GABRA2: variants seen among roughly 807,000 people sequenced by gnomAD.
The protein encoded by GABRA2 is gamma-aminobutyric acid receptor subunit alpha-2.
In GABRA2, 16 loss-of-function variants were observed where a neutral mutation model predicts 48.7. That is an observed-to-expected ratio of 0.33 (90% CI 0.22 to 0.50). The LOEUF (loss-of-function observed/expected upper bound fraction) is 0.50, where lower values mean the gene tolerates loss of function less well. Among genes scored for constraint, GABRA2 ranks in the 20% least tolerant of loss-of-function variants. The probability of loss-of-function intolerance (pLI) is 0.98; values close to 1 mark genes in which losing one functional copy is unlikely to be tolerated. For missense variants in GABRA2, 275 were observed against 535.6 expected, an observed-to-expected ratio of 0.51 and a Z score of 4.80; for synonymous variants, 185 against 184.5, an observed-to-expected ratio of 1.00 and a Z score of -0.02.
intron 4 of GABRA2, among the ~76,000 whole-genome samples, chr4:46,316,839 C>G (rs1442079463): frequency 6.6e-6 from 1 of 151,948 alleles, no homozygotes; most frequent in Non-Finnish European, 1.5e-5. Flanking sequence ...TCACAGACCA[C>G]TGGGCTCAAC....
intron 8 of GABRA2, among the ~76,000 whole-genome samples, chr4:46,275,267 A>G (rs757579418): frequency 4.6e-5 from 7 of 152,132 alleles, no homozygotes; most frequent in Non-Finnish European, 1.0e-4. Context: ...GATGTTATAA[A>G]ATGGATTTAG....
intron 4 of GABRA2, among the ~76,000 whole-genome samples, chr4:46,313,467 T>C (rs1728021631): frequency 6.6e-6 from 1 of 152,012 alleles, no homozygotes; most frequent in Non-Finnish European, 1.5e-5. Context: ...GCAGATAAAC[T>C]CCCTCATGTT....
intron 3 of GABRA2, among the ~76,000 whole-genome samples, chr4:46,380,078 C>T (rs1277764096): frequency 1.3e-5 from 2 of 152,098 alleles, no homozygotes; most frequent in Non-Finnish European, 2.9e-5. Flanking sequence ...CTGGTACATC[C>T]CAGCTTAGGG....
At chr4:46,296,655 G>GAAAAAAAA (rs113049147) in intron 8 of GABRA2, among the ~76,000 whole-genome samples, 2 of 128,128 alleles carry the variant, frequency 1.6e-5, no homozygotes, top group Non-Finnish European at 1.6e-5. Context: ...TCTATCAGGG[G>GAAAAAAAA]GAAAAAAAAA....
In GABRA2 at chr4:46,245,402, A is replaced by G. The variant is rs1383240564; in HGVS notation, c.*4906T>C. ...GTTTCTATTCTATCTCATGAAGCAG[A>G]ATTGCAAGATCATTTTGAATTTAAT... On this transcript the variant is annotated 3_prime_UTR_variant, in exon 10 of 10. Transcript: ENST00000381620. Among the ~76,000 whole-genome samples, 2 of 151,364 alleles carry G rather than the reference A, an allele frequency of 1.3e-5. No individual in the cohort carries two copies. Among genetic ancestry groups the G allele is most frequent in the Admixed American group, 1.3e-4 (2 of 15,134 alleles).
chr4:46,371,788 C>T (rs1299274958), intron 3 of GABRA2, among the ~76,000 whole-genome samples: 1 of 152,132 alleles, frequency 6.6e-6, no homozygotes, highest in Non-Finnish European at 1.5e-5. Context: ...CCACCACCAC[C>T]ATTTAGAAAT....
intron 8 of GABRA2, among the ~76,000 whole-genome samples, chr4:46,266,880 T>A (rs1180362966): frequency 6.6e-6 from 1 of 151,310 alleles, no homozygotes; most frequent in African/African-American, 2.4e-5. Context: ...CACCACCACG[T>A]CCAGCTTATT....
chr4:46,369,678 C>A (rs1462703535), intron 3 of GABRA2, among the ~76,000 whole-genome samples: 1 of 151,976 alleles, frequency 6.6e-6, no homozygotes, highest in Non-Finnish European at 1.5e-5. Flanking sequence ...ACTGTTATAT[C>A]CTAAAAATAT....
intron 4 of GABRA2, among the ~76,000 whole-genome samples, chr4:46,324,462 G>A (rs1015250440): frequency 2.6e-5 from 4 of 151,882 alleles, no homozygotes; most frequent in Non-Finnish European, 4.4e-5. Flanking sequence ...CCCAAAGACA[G>A]CCTCAAAACT....
intron 8 of GABRA2, among the ~76,000 whole-genome samples, chr4:46,300,894 G>C (rs552236772): frequency 1.3e-5 from 2 of 151,844 alleles, no homozygotes; most frequent in South Asian, 4.2e-4. Context: ...AACTATTTTA[G>C]TAGCCTCTTA....
intron 4 of GABRA2, among the ~76,000 whole-genome samples, chr4:46,313,148 TAAATAAATAAAA>T (rs1249109878): frequency 4.2e-5 from 6 of 142,472 alleles, no homozygotes; most frequent in African/African-American, 1.6e-4. Context: ...AATAAATAAA[TAAATAAATAAAA>T]TTTTTAAAAA....
At chr4:46,266,448 C>G (rs1457582463) in intron 8 of GABRA2, among the ~76,000 whole-genome samples, 1 of 149,476 alleles carries the variant, frequency 6.7e-6, no homozygotes, top group Non-Finnish European at 1.5e-5. Context: ...AATATCTTCC[C>G]ATGGCCTCTG....
At chr4:46,303,151 CAAA>C (rs55754015) in intron 8 of GABRA2, 42 of 211,676 alleles carry the variant, frequency 2.0e-4, no homozygotes, top group South Asian at 4.3e-4. Flanking sequence ...ATTTTTTGAG[CAAA>C]AAAAAAAAAG....
At position 46,250,533 on chromosome 4, in the gene GABRA2, A is replaced by C. The variant is rs200515415; in HGVS notation, c.1131T>G (p.Asn377Lys). ...TGGAGAGAACTGGATCTTTTGAAAGATTCGGGGCATAATTGGCAACAGCCA... is the reference window on the plus strand; with the variant it reads ...TGGAGAGAACTGGATCTTTTGAAAGCTTCGGGGCATAATTGGCAACAGCCA... ...YAVAVANYAP[N>K]LSKDPVLSTI... Residue 377 changes from asparagine to lysine, a missense_variant, in exon 10 of 10, where the codon AAT becomes AAG. This residue lies in a region of GABRA2 where 99 missense variants were observed against 124.3 expected (regional missense o/e 0.80). Coordinates refer to ENST00000381620, the MANE Select transcript of GABRA2 (RefSeq NM_000807.4). 1 of 1,611,696 alleles carries C rather than the reference A, an allele frequency of 6.2e-7. No individual in the cohort carries two copies. The highest frequency in any genetic ancestry group is 1.1e-5 in the South Asian group (1 of 91,030).
At chr4:46,362,174 G>T (rs1411743199) in intron 3 of GABRA2, among the ~76,000 whole-genome samples, 1 of 152,126 alleles carries the variant, frequency 6.6e-6, no homozygotes, top group Non-Finnish European at 1.5e-5. Context: ...GAATGACATG[G>T]TTTGGCTGTA....
intron 3 of GABRA2, among the ~76,000 whole-genome samples, chr4:46,339,938 T>G (rs1385176315): frequency 1.3e-5 from 2 of 151,842 alleles, no homozygotes; most frequent in Non-Finnish European, 2.9e-5. Context: ...GTTTTTAAAC[T>G]TATCATGTCT....
Position 46,248,400 on chromosome 4 carries a change from A to G in GABRA2, c.*1908T>C, listed in dbSNP as rs1355079909. On this transcript the variant is annotated 3_prime_UTR_variant, in exon 10 of 10. Transcript: ENST00000381620. Reference sequence around the variant, plus strand: ...TGAATAAAGTGCACATTTTAAAACTAGGTGACAAAGAAAGTGTTACTGGAA... The same window carrying G: ...TGAATAAAGTGCACATTTTAAAACTGGGTGACAAAGAAAGTGTTACTGGAA... The G allele has an allele frequency of 1.3e-5, 2 of 151,566 alleles. No homozygotes were observed. The highest frequency in any genetic ancestry group is 3.4e-3 in the Middle Eastern group (1 of 294). 9.4% of individuals were successfully genotyped at this position (151,566 alleles called of 1,614,324 possible).
chr4:46,277,080 G>A (rs979250754), intron 8 of GABRA2, among the ~76,000 whole-genome samples: 11 of 151,824 alleles, frequency 7.2e-5, no homozygotes, highest in African/African-American at 1.2e-4. Context: ...ATAATAATTC[G>A]TGTGAATTAT....
At chr4:46,300,299 CTG>C (rs34059776) in intron 8 of GABRA2, among the ~76,000 whole-genome samples, 1 of 151,654 alleles carries the variant, frequency 6.6e-6, no homozygotes, top group African/African-American at 2.4e-5. Context: ...CAGTATGGAT[CTG>C]TGTGTGTGTG....
Sources: gnomAD v4.1 joint callset for allele counts (sites outside exome capture counted in the v4.1 genomes callset) on GRCh38, gnomAD v4.1.1 for gene constraint, gnomAD v4.1.1 regional missense constraint, MANE v1.5 for transcripts, NCBI Gene and HGNC (gene_info 2026-07-23, HGNC 2026-07-21) for gene names.